Variants in LRRC52 observed in about 807,000 individuals in gnomAD.
LRRC52 encodes the protein leucine-rich repeat-containing protein 52.
In LRRC52, 15 loss-of-function variants were observed where a neutral mutation model predicts 14.7. That is an observed-to-expected ratio of 1.02 (90% confidence interval 0.68 to 1.58). The LOEUF (loss-of-function observed/expected upper bound fraction) is 1.58, where lower values mean the gene tolerates loss of function less well. Ranked by LOEUF, LRRC52 falls within the 40% of genes most tolerant of loss-of-function variation. The pLI, the probability that LRRC52 is intolerant of heterozygous loss-of-function variation, is 0.00. For missense variants in LRRC52, 400 were observed against 387.7 expected (o/e 1.03, Z -0.27); for synonymous variants, 180 against 163.9 (o/e 1.10, Z -0.75).
In LRRC52 at chr1:165,544,203, G is replaced by GCCCCCCCCC; in HGVS notation, c.-90_-89insCCCCCCCCC. ...CTAAAGTGTTACAGTTCTTTCCAGA[G>GCCCCCCCCC]CCCCTCCCCCGCCCCACCCCCCCAC... On this transcript the variant is annotated 5_prime_UTR_variant, in exon 1 of 2. Coordinates refer to ENST00000294818, the MANE Select transcript of LRRC52 (RefSeq NM_001005214.4). 2.0e-6 allele frequency: 2 copies of GCCCCCCCCC among 1,001,746 alleles called. No homozygotes were observed. Among genetic ancestry groups the GCCCCCCCCC allele is most frequent in the South Asian group, 1.6e-5 (1 of 63,716 alleles). The allele number at this position is 1,001,746 out of a possible 1,614,324, so 62.1% of individuals were successfully genotyped here.
intron 1 of LRRC52, among the ~76,000 whole-genome samples, chr1:165,556,325 T>G (rs1268062277): frequency 1.3e-5 from 2 of 152,228 alleles, no homozygotes; most frequent in African/African-American, 4.8e-5. Flanking sequence ...AGGTCTCATC[T>G]CCATGTTCCA....
Position 165,544,935 on chromosome 1 carries a change from G to T in LRRC52, c.622+17G>T, listed in dbSNP as rs758046621. 5 of 1,609,340 alleles carry T rather than the reference G, an allele frequency of 3.1e-6. No individual in the cohort carries two copies. In the South Asian group the frequency reaches 3.3e-5, roughly 11 times the overall value. On this transcript the variant is annotated intron_variant, in intron 1 of 1. Transcript: ENST00000294818. ...ACCCCTCAGGTGAGGGCTTGATTGG[G>T]TGTGGGGAAGAGGATGTGATTGAAG...
chr1:165,560,591 C>T (rs952936979), intron 1 of LRRC52, among the ~76,000 whole-genome samples: 1 of 152,150 alleles, frequency 6.6e-6, no homozygotes, highest in Non-Finnish European at 1.5e-5. Context: ...CGAGTGGGAA[C>T]AATCACATGT....
At chr1:165,562,857 G>T (rs1281509865) in intron 1 of LRRC52, among the ~76,000 whole-genome samples, 1 of 151,082 alleles carries the variant, frequency 6.6e-6, no homozygotes, top group Admixed American at 6.6e-5. Flanking sequence ...TTCCCTATTG[G>T]CAACCTGTTT....
chr1:165,547,546 G>A (rs1661047363), intron 1 of LRRC52, among the ~76,000 whole-genome samples: 1 of 152,102 alleles, frequency 6.6e-6, no homozygotes, highest in South Asian at 2.1e-4. Context: ...GCCTTAATCA[G>A]TCTGGTTCTT....
chr1:165,545,932 T>G (rs1329383774), intron 1 of LRRC52, among the ~76,000 whole-genome samples: 1 of 152,072 alleles, frequency 6.6e-6, no homozygotes, highest in East Asian at 1.9e-4. Context: ...CTTCCCTGGG[T>G]GTTTGCCTTT....
chr1:165,559,834 G>C (rs1430959168), intron 1 of LRRC52, among the ~76,000 whole-genome samples: 4 of 152,202 alleles, frequency 2.6e-5, no homozygotes, highest in Admixed American at 1.3e-4. Flanking sequence ...ATACATTTAA[G>C]AAAGATTTAT....
At chr1:165,557,576 A>G (rs1403835867) in intron 1 of LRRC52, among the ~76,000 whole-genome samples, 1 of 152,218 alleles carries the variant, frequency 6.6e-6, no homozygotes, top group Admixed American at 6.5e-5. Flanking sequence ...TCTGTAATCT[A>G]ATGAGTGGAG....
At position 165,563,790 on chromosome 1, in the gene LRRC52, C is replaced by T. The variant is rs764082316; in HGVS notation, c.908C>T (p.Thr303Met). Residue 303 changes from threonine (T) to methionine (M), a missense_variant, in exon 2 of 2, where the codon ACG becomes ATG. Transcript: ENST00000294818. ...EVSRRIFQTQTSSVQEFPQLI is the reference protein window; with the variant it reads ...EVSRRIFQTQMSSVQEFPQLI The stretch of plus-strand genomic sequence containing the variant: ...AGCCGGCGGATTTTTCAAACCCAGA[C>T]GAGCTCGGTCCAGGAGTTCCCTCAG... The T allele has an allele frequency of 7.0e-5, 113 of 1,614,044 alleles. No homozygotes were observed. Among genetic ancestry groups the T allele is most frequent in the Middle Eastern group, 3.3e-4 (2 of 6,084 alleles).
chr1:165,547,805 G>A (rs1004280108), intron 1 of LRRC52, among the ~76,000 whole-genome samples: 2 of 152,112 alleles, frequency 1.3e-5, no homozygotes, highest in Non-Finnish European at 2.9e-5. Context: ...TACATGAACA[G>A]ATACATGCAT....
chr1:165,548,204 TG>T (rs1447625073), intron 1 of LRRC52, among the ~76,000 whole-genome samples: 1 of 152,210 alleles, frequency 6.6e-6, no homozygotes, highest in Non-Finnish European at 1.5e-5. Flanking sequence ...ACCTTAGCCC[TG>T]GGAAATTTTC....
rs765344555 is a variant in LRRC52 at position 165,544,807 on chromosome 1, T to C, written c.511T>C (p.Tyr171His). ...GCAGACCCTGGACAGTGCTGCCTTA[T>C]ACCACCTCACTACTCTGGAGACCCT... ...GLQTLDSAAL[Y>H]HLTTLETLFL... The change falls in exon 1 of 2, where the codon TAC becomes CAC. Residue 171 changes from tyrosine (Y) to histidine (H), a missense_variant. Coordinates refer to ENST00000294818, the MANE Select transcript of LRRC52 (RefSeq NM_001005214.4). 2.5e-6 allele frequency: 4 copies of C among 1,613,978 alleles called. No individual in the cohort carries two copies. The highest frequency in any genetic ancestry group is 3.4e-6 in the Non-Finnish European group (4 of 1,180,006).
intron 1 of LRRC52, among the ~76,000 whole-genome samples, chr1:165,557,032 A>C (rs544295876): frequency 4.6e-5 from 7 of 152,340 alleles, no homozygotes; most frequent in African/African-American, 1.7e-4. Context: ...CCACCCTTGC[A>C]TTCATTTATT....
At chr1:165,556,561 C>T (rs1165133719) in intron 1 of LRRC52, among the ~76,000 whole-genome samples, 1 of 152,220 alleles carries the variant, frequency 6.6e-6, no homozygotes, top group Admixed American at 6.5e-5. Flanking sequence ...TGCACCTACT[C>T]AACATTGCCA....
In LRRC52 at chr1:165,544,154, A is replaced by C; in HGVS notation, c.-143A>C. ...TTCAATTTCTGTTCAGTTCTCCTGTAATGGAAAATTGCTTTGCACAAAGCT... is the reference window on the plus strand; with the variant it reads ...TTCAATTTCTGTTCAGTTCTCCTGTCATGGAAAATTGCTTTGCACAAAGCT... On this transcript the variant is annotated 5_prime_UTR_variant, in exon 1 of 2. Coordinates refer to ENST00000294818, the MANE Select transcript of LRRC52 (RefSeq NM_001005214.4). 2.9e-6 allele frequency: 3 copies of C among 1,023,958 alleles called. No homozygotes were observed. The highest frequency in any genetic ancestry group is 4.3e-6 in the Non-Finnish European group (3 of 703,032). The allele number at this position is 1,023,958 out of a possible 1,614,324, so 63.4% of individuals were successfully genotyped here.
intron 1 of LRRC52, among the ~76,000 whole-genome samples, chr1:165,553,140 AAG>A (rs1177618263): frequency 6.6e-6 from 1 of 152,212 alleles, no homozygotes; most frequent in Non-Finnish European, 1.5e-5. Context: ...AATCAGGAAA[AAG>A]AGTTTCAAGT....
In LRRC52 at chr1:165,563,579, C is replaced by T. The variant is rs762655638; in HGVS notation, c.697C>T (p.Arg233Ter). ...CATCACCCGGGTGGGGAACCCACTCCGATACATGTGCATCACGCACCTGGA... is the reference window on the plus strand; with the variant it reads ...CATCACCCGGGTGGGGAACCCACTCTGATACATGTGCATCACGCACCTGGA... ...WPITRVGNPL[R>*]YMCITHLDHK... The change falls in exon 2 of 2, where the codon CGA becomes TGA. Residue 233 changes from arginine to a stop codon, truncating the protein, a stop_gained. Coordinates refer to ENST00000294818, the MANE Select transcript of LRRC52 (RefSeq NM_001005214.4). LOFTEE classifies it low-confidence loss of function (END_TRUNC). The T allele has an allele frequency of 1.7e-5, 28 of 1,614,212 alleles. No individual in the cohort carries two copies. Among genetic ancestry groups the T allele is most frequent in the African/African-American group, 8.0e-5 (6 of 75,068 alleles).
Position 165,544,120 on chromosome 1 carries a change from G to A in LRRC52, c.-177G>A. 1.3e-6 allele frequency: 1 copy of A among 765,442 alleles called. No homozygotes were observed. The highest frequency in any genetic ancestry group is 2.1e-6 in the Non-Finnish European group (1 of 485,360). The allele number at this position is 765,442 out of a possible 1,614,324, so 47.4% of individuals were successfully genotyped here. A position where few individuals can be genotyped will look rare whatever the true frequency, so the allele number is the denominator to read the frequency against. ...ACCAAGCTGGGCGGCAGGGCATTGA[G>A]CCTCGCGTTTCAATTTCTGTTCAGT... On this transcript the variant is annotated 5_prime_UTR_variant, in exon 1 of 2. Coordinates refer to ENST00000294818, the MANE Select transcript of LRRC52 (RefSeq NM_001005214.4).
Position 165,544,877 on chromosome 1 carries a change from A to G in LRRC52, c.581A>G (p.Asp194Gly), listed in dbSNP as rs1660985931. The G allele has an allele frequency of 1.2e-6, 2 of 1,613,918 alleles. No individual in the cohort carries two copies. Among genetic ancestry groups the G allele is most frequent in the African/African-American group, 1.3e-5 (1 of 74,862 alleles). The change falls in exon 1 of 2, where the codon GAC becomes GGC. Residue 194 changes from aspartate to glycine, a missense_variant. By Grantham distance (94) the Asp-to-Gly change is moderately conservative. Coordinates refer to ENST00000294818, the MANE Select transcript of LRRC52 (RefSeq NM_001005214.4). Reference sequence around the variant, plus strand: ...TGGAAGTGCAACTGCTCTTTCCTGGACTTCGCCATCTTCTTAATAGTGTTC... The same window carrying G: ...TGGAAGTGCAACTGCTCTTTCCTGGGCTTCGCCATCTTCTTAATAGTGTTC... ...NPWKCNCSFL[D>G]FAIFLIVFHM...
Sources: allele counts gnomAD v4.1 joint callset (sites outside exome capture counted in the v4.1 genomes callset), GRCh38; gene constraint gnomAD v4.1.1; transcripts MANE v1.5; gene names NCBI Gene and HGNC (gene_info 2026-07-23, HGNC 2026-07-21).